MAF: variants seen among roughly 807,000 people sequenced by gnomAD.
MAF encodes the protein MAF bZIP transcription factor.
Under a neutral mutation model 22.0 loss-of-function variants are expected in MAF, and 10 were observed. The observed-to-expected ratio is 0.45, with a 90% confidence interval of 0.28 to 0.77. The LOEUF (loss-of-function observed/expected upper bound fraction) is 0.77. MAF is among the 30% of genes least tolerant of loss of function. MAF has a pLI of 0.12. For missense variants in MAF, 544 were observed against 548.4 expected, an observed-to-expected ratio of 0.99 and a Z score of 0.08; for synonymous variants, 337 against 255.8, an observed-to-expected ratio of 1.32 and a Z score of -3.03.
chr16:79,560,943 C>A, the MAF span, among the ~76,000 whole-genome samples: 164 of 152,330 alleles, frequency 1.1e-3, 1 homozygote, highest in East Asian at 9.7e-4. Context: ...TGGTTCTCAA[C>A]TGCATTCAAG....
the MAF span, among the ~76,000 whole-genome samples, chr16:79,468,592 G>T: frequency 6.6e-6 from 1 of 152,220 alleles, no homozygotes; most frequent in South Asian, 2.1e-4. Flanking sequence ...GGGCAAACCT[G>T]GCCTTAACCT....
At chr16:79,212,360 G>C in the MAF span, 1 of 583,812 alleles carries the variant, frequency 1.7e-6, no homozygotes, top group Non-Finnish European at 2.9e-6. Context: ...GACACCCAGA[G>C]GGAGTAGAAT....
intron 1 of MAF, chr16:79,596,749 G>C (rs558555620): frequency 9.6e-7 from 1 of 1,045,150 alleles, no homozygotes; most frequent in South Asian, 4.6e-5. Flanking sequence ...TAAAACTGTG[G>C]ATTTTTTTTT....
At chr16:79,478,600 A>G in the MAF span, among the ~76,000 whole-genome samples, 1 of 152,238 alleles carries the variant, frequency 6.6e-6, no homozygotes, top group East Asian at 1.9e-4. Flanking sequence ...ACCCCTGTAT[A>G]CCACACAATC....
chr16:79,253,052 A>G, the MAF span, among the ~76,000 whole-genome samples: 1 of 152,338 alleles, frequency 6.6e-6, no homozygotes, highest in South Asian at 2.1e-4. Flanking sequence ...ATGAGATAAG[A>G]CAGTAAAACA....
the MAF span, among the ~76,000 whole-genome samples, chr16:79,333,677 T>C: frequency 2.0e-5 from 3 of 152,180 alleles, no homozygotes; most frequent in Non-Finnish European, 4.4e-5. Context: ...TAACGCTGGA[T>C]CCCAACATCT....
chr16:79,212,404 T>C, the MAF span: 8 of 424,388 alleles, frequency 1.9e-5, no homozygotes, highest in South Asian at 9.4e-5. Context: ...GTACTTGTCA[T>C]AGACTCCTTT....
chr16:79,449,782 G>T, the MAF span, among the ~76,000 whole-genome samples: 1 of 152,146 alleles, frequency 6.6e-6, no homozygotes. Flanking sequence ...GCACTAATAA[G>T]CTATGATTTA....
At chr16:79,469,502 A>G in the MAF span, among the ~76,000 whole-genome samples, 1 of 152,324 alleles carries the variant, frequency 6.6e-6, no homozygotes, top group South Asian at 2.1e-4. Context: ...TTCATTGAAC[A>G]GTATGAAGAT....
chr16:79,210,686 C>A, the MAF span, among the ~76,000 whole-genome samples: 1 of 152,110 alleles, frequency 6.6e-6, no homozygotes, highest in African/African-American at 2.4e-5. Flanking sequence ...GACCATGTCT[C>A]CCTCTGAACA....
At chr16:79,478,445 G>A in the MAF span, among the ~76,000 whole-genome samples, 9 of 152,240 alleles carry the variant, frequency 5.9e-5, no homozygotes, top group South Asian at 1.2e-3. Context: ...CATGGCTACC[G>A]GGTTCCAACA....
the MAF span, among the ~76,000 whole-genome samples, chr16:79,410,920 G>A: frequency 3.3e-5 from 5 of 152,136 alleles, no homozygotes; most frequent in African/African-American, 4.8e-5. Context: ...AGGACCTTAC[G>A]TGATGTTCCA....
chr16:79,433,266 GTAA>G, the MAF span, among the ~76,000 whole-genome samples: 1 of 71,004 alleles, frequency 1.4e-5, no homozygotes. Context: ...GATAAGACAA[GTAA>G]AAAAAAAAAT....
chr16:79,293,673 C>A, the MAF span, among the ~76,000 whole-genome samples: 3 of 152,100 alleles, frequency 2.0e-5, no homozygotes, highest in Non-Finnish European at 4.4e-5. Context: ...TCTCCCAACT[C>A]TTACATTAGT....
the MAF span, among the ~76,000 whole-genome samples, chr16:79,544,143 T>G: frequency 6.6e-6 from 1 of 152,258 alleles, no homozygotes; most frequent in Middle Eastern, 3.4e-3. Context: ...GGGGGAAAGT[T>G]TGCACAGAGA....
At chr16:79,208,641 T>TAATC in the MAF span, among the ~76,000 whole-genome samples, 1 of 151,344 alleles carries the variant, frequency 6.6e-6, no homozygotes, top group African/African-American at 2.4e-5. Flanking sequence ...ATTTTTTTTT[T>TAATC]AATCAGTTTA....
At chr16:79,342,012 TTGATTAAGCACCTACACAC>T in the MAF span, among the ~76,000 whole-genome samples, 1 of 152,210 alleles carries the variant, frequency 6.6e-6, no homozygotes, top group Non-Finnish European at 1.5e-5. Flanking sequence ...ATGATTGCCT[TTGATTAAGCACCTACACAC>T]TGATTATAGA....
At chr16:79,305,408 A>G in the MAF span, among the ~76,000 whole-genome samples, 3 of 152,318 alleles carry the variant, frequency 2.0e-5, no homozygotes, top group South Asian at 4.1e-4. Context: ...TGGAACAGAC[A>G]GGGAGCAAAG....
the MAF span, among the ~76,000 whole-genome samples, chr16:79,473,004 G>C: frequency 1.3e-5 from 2 of 152,194 alleles, no homozygotes; most frequent in East Asian, 1.9e-4. Flanking sequence ...CATTCTGGTG[G>C]GAAGGACTGA....
Sources: gnomAD v4.1 joint callset for allele counts (sites outside exome capture counted in the v4.1 genomes callset) on GRCh38, gnomAD v4.1.1 for gene constraint, MANE v1.5 for transcripts, NCBI Gene and HGNC (gene_info 2026-07-23, HGNC 2026-07-21) for gene names.